Variants in EFCAB3 observed in about 807,000 individuals in gnomAD.
EFCAB3 encodes the protein EF-hand calcium-binding domain-containing protein 3.
EFCAB3 carries 36 observed loss-of-function variants against 42.2 expected under a neutral mutation model. That is an observed-to-expected ratio of 0.85 (90% confidence interval 0.65 to 1.13). The LOEUF is 1.13. Among genes scored for constraint, EFCAB3 ranks in the 50% most tolerant of loss-of-function variants. The pLI, the probability that EFCAB3 is intolerant of heterozygous loss-of-function variation, is 0.00. For missense variants in EFCAB3, 418 were observed against 505.1 expected (o/e 0.83, Z 1.65); for synonymous variants, 170 against 172.8 (o/e 0.98, Z 0.13).
intron 8 of EFCAB3, among the ~76,000 whole-genome samples, chr17:62,409,690 AT>A (rs780395829): frequency 6.6e-6 from 1 of 151,038 alleles, no homozygotes; most frequent in Non-Finnish European, 1.5e-5. Context: ...TCTATTACAT[AT>A]TTACTAGTAT....
At chr17:62,401,350 T>C (rs886106596) in intron 6 of EFCAB3, among the ~76,000 whole-genome samples, 1 of 152,190 alleles carries the variant, frequency 6.6e-6, no homozygotes, top group Non-Finnish European at 1.5e-5. Flanking sequence ...GTTTTAGACA[T>C]GAAGTCCTTG....
chr17:62,386,196 AT>A (rs2070249164), intron 2 of EFCAB3, among the ~76,000 whole-genome samples: 1 of 152,110 alleles, frequency 6.6e-6, no homozygotes, highest in African/African-American at 2.4e-5. Flanking sequence ...ATGTAATTAA[AT>A]TTTATTTATC....
chr17:62,415,557 C>A (rs1411577773), intron 9 of EFCAB3, among the ~76,000 whole-genome samples: 1 of 152,198 alleles, frequency 6.6e-6, no homozygotes, highest in South Asian at 2.1e-4. Context: ...TATTTACTGC[C>A]TTGGGGTCTC....
Position 62,407,087 on chromosome 17 carries a change from A to C in EFCAB3, c.742A>C (p.Asn248His), listed in dbSNP as rs1252282500. 6.2e-7 allele frequency: 1 copy of C among 1,612,288 alleles called. No homozygotes were observed. Among genetic ancestry groups the C allele is most frequent in the Admixed American group, 1.7e-5 (1 of 59,636 alleles). ...AATACCCATCTTTCCATTGTTCCCT[A>C]ATGTGGATGGGGTGGTGATGGGAAA... ...SKIPIFPLFPNVDGVVMGKPF... is the reference protein window; with the variant it reads ...SKIPIFPLFPHVDGVVMGKPF... Residue 248 changes from asparagine (N) to histidine (H), a missense_variant, in exon 8 of 10, where the codon AAT becomes CAT. Transcript: ENST00000305286.
intron 1 of EFCAB3, chr17:62,381,868 C>T: frequency 2.3e-6 from 1 of 425,874 alleles, no homozygotes; most frequent in Non-Finnish European, 4.7e-6. Context: ...AGTGTACCTG[C>T]CGGTGGGGCT....
At chr17:62,403,607 A>G (rs78013533) in intron 6 of EFCAB3, among the ~76,000 whole-genome samples, 3,441 of 152,280 alleles carry the variant, frequency 0.023, 49 homozygotes, top group Middle Eastern at 0.1. Flanking sequence ...GGTCCTTCAT[A>G]ATATATCCTT....
Position 62,414,336 on chromosome 17 carries a change from G to A in EFCAB3, c.990+482G>A, listed in dbSNP as rs142379472. 5.3e-3 allele frequency among the ~76,000 whole-genome samples: 814 copies of A among 152,218 alleles called. 11 individuals are homozygous for A. The highest frequency in any genetic ancestry group is 0.017 in the African/African-American group (710 of 41,516). On this transcript the variant is annotated intron_variant, in intron 9 of 9. Transcript: ENST00000305286. ...AACAGCTAGGGCAAGTATTCTTTGG[G>A]CTATCTCAATCTATCCTCCTTGGTT...
intron 5 of EFCAB3, among the ~76,000 whole-genome samples, chr17:62,394,018 G>A (rs146967972): frequency 0.043 from 6,555 of 151,214 alleles, 497 homozygotes; most frequent in African/African-American, 0.15. Context: ...GCAGTGGCAC[G>A]ATCTTAGCTC....
At position 62,416,272 on chromosome 17, in the gene EFCAB3, T is replaced by C. The variant is rs372816438; in HGVS notation, c.1260T>C (p.Cys420=). 3.7e-6 allele frequency: 6 copies of C among 1,613,414 alleles called. No individual in the cohort carries two copies. The African/African-American group carries it at 6.7e-5, about 18-fold the overall frequency. Residue 420 remains cysteine (C), a synonymous_variant, in exon 10 of 10, where the codon TGT becomes TGC. Transcript: ENST00000305286. ...CTTCCTCATCAGATACCAGTGAATG[T>C]TACACAGACTCAGGAAGAAAAAGAA... The part of the protein sequence containing the change: ...RSSSSSDTSE[C]YTDSGRKRKR...
intron 3 of EFCAB3, among the ~76,000 whole-genome samples, chr17:62,390,288 T>G (rs1054372156): frequency 6.6e-6 from 1 of 152,114 alleles, no homozygotes; most frequent in African/African-American, 2.4e-5. Context: ...TCTTTGAATA[T>G]GAGAGAGGGG....
intron 6 of EFCAB3, chr17:62,397,599 C>T: frequency 1.7e-6 from 1 of 605,604 alleles, no homozygotes; most frequent in South Asian, 1.4e-5. Flanking sequence ...CAGCCAAATT[C>T]TGCCATCAGG....
At chr17:62,370,367 T>G in intron 1 of EFCAB3, 1 of 1,546,052 alleles carries the variant, frequency 6.5e-7, no homozygotes, top group Admixed American at 2.0e-5. Context: ...TAGAAGTGTA[T>G]TTTTGGGCTG....
upstream of EFCAB3, among the ~76,000 whole-genome samples, chr17:62,375,886 AT>A (rs908794525): frequency 3.3e-5 from 5 of 151,728 alleles, no homozygotes; most frequent in Non-Finnish European, 7.4e-5. Flanking sequence ...CTAAAAATAT[AT>A]TTTTTTCTTT....
intron 5 of EFCAB3, among the ~76,000 whole-genome samples, chr17:62,394,098 C>G (rs549369100): frequency 6.6e-6 from 1 of 152,020 alleles, no homozygotes. Flanking sequence ...GGACTACAGG[C>G]GCCCGCCACC....
intron 1 of EFCAB3, among the ~76,000 whole-genome samples, chr17:62,372,482 G>A (rs1421637735): frequency 3.3e-5 from 5 of 151,906 alleles, no homozygotes; most frequent in African/African-American, 9.7e-5. Flanking sequence ...GGGTACCACC[G>A]TGTTGCCCAG....
chr17:62,412,611 C>T (rs909943893), intron 8 of EFCAB3, among the ~76,000 whole-genome samples: 9 of 151,742 alleles, frequency 5.9e-5, no homozygotes, highest in South Asian at 2.1e-4. Flanking sequence ...ACTACAGACA[C>T]GTGCCACCAT....
intron 6 of EFCAB3, among the ~76,000 whole-genome samples, chr17:62,397,093 A>C (rs934567029): frequency 1.3e-5 from 2 of 152,226 alleles, no homozygotes; most frequent in African/African-American, 4.8e-5. Context: ...CTATCTCCCT[A>C]TACTGCCTCT....
chr17:62,400,908 C>A (rs76391810), intron 6 of EFCAB3, among the ~76,000 whole-genome samples: 1 of 152,052 alleles, frequency 6.6e-6, no homozygotes, highest in African/African-American at 2.4e-5. Context: ...TCCACATCCT[C>A]TCCAGCACCT....
chr17:62,406,613 G>A lies in EFCAB3; in HGVS notation c.622G>A (p.Ala208Thr), dbSNP rs1454508874. 6.8e-6 allele frequency: 11 copies of A among 1,613,968 alleles called. No individual in the cohort carries two copies. The Admixed American group carries it at 1.2e-4, about 17-fold the overall frequency. The change falls in exon 7 of 10, where the codon GCT becomes ACT. Residue 208 changes from alanine to threonine, a missense_variant. Transcript: ENST00000305286. The part of the protein sequence containing the change: ...PSSSMAAFAN[A>T]ARIAIMKEKD... Reference sequence around the variant, plus strand: ...CTCAAGCATGGCTGCCTTTGCTAATGCTGCCCGGATTGCAATAATGAAAGA... The same window carrying A: ...CTCAAGCATGGCTGCCTTTGCTAATACTGCCCGGATTGCAATAATGAAAGA...
Sources: gnomAD v4.1 joint callset for allele counts (sites outside exome capture counted in the v4.1 genomes callset) on GRCh38, gnomAD v4.1.1 for gene constraint, MANE v1.5 for transcripts, NCBI Gene and HGNC (gene_info 2026-07-23, HGNC 2026-07-21) for gene names.